Variants in SOX6 observed in about 807,000 individuals in gnomAD.
SOX6 encodes SRY-box transcription factor 6, also known as transcription factor SOX-6.
A neutral mutation model predicts 97.8 loss-of-function variants in SOX6; 11 were observed. The ratio of observed to expected loss-of-function variants is 0.11; its 90% CI spans 0.07 to 0.19. The LOEUF (loss-of-function observed/expected upper bound fraction) is 0.19. Ranked by LOEUF, SOX6 falls within the 10% of genes least tolerant of loss-of-function variation. The pLI, the probability that SOX6 is intolerant of heterozygous loss-of-function variation, is 1.00. For missense variants in SOX6, 810 were observed against 1,039.5 expected (o/e 0.78, Z 3.04); for synonymous variants, 360 against 371.4 (o/e 0.97, Z 0.35).
Position 16,096,033 on chromosome 11 carries a change from T to G in SOX6, c.1064A>C (p.His355Pro), listed in dbSNP as rs769330030. Residue 355 changes from histidine to proline, a missense_variant, in exon 9 of 16, where the codon CAT becomes CCT. His to Pro is a moderately conservative substitution (Grantham distance 77, BLOSUM62 -2). Around this residue, in one of 9 missense-constraint regions of SOX6, gnomAD observed 244 missense variants for 261.0 expected, o/e 0.93. Coordinates refer to ENST00000683767, the MANE Select transcript of SOX6 (RefSeq NM_001367873.1). ...GTGGTTGTAAGAGTGGCCACCACCA[T>G]GTTCAAAGGTGTCCAAATTCCTGCC... Reference protein sequence around the residue: ...RFGRNLDTFEHGGGHSYNHKQ... With the variant: ...RFGRNLDTFEPGGGHSYNHKQ... 16 of 1,611,102 alleles carry G rather than the reference T, an allele frequency of 9.9e-6. No individual in the cohort carries two copies. In the South Asian group the frequency reaches 1.6e-4, roughly 17 times the overall value.
intron 9 of SOX6, among the ~76,000 whole-genome samples, chr11:16,071,368 C>T (rs1449753086): frequency 1.3e-5 from 2 of 152,140 alleles, no homozygotes; most frequent in African/African-American, 2.4e-5. Flanking sequence ...TCTGTCTGAA[C>T]TTAGCCAGCA....
chr11:16,626,807 T>C (rs1224632931), intron 3 of SOX6, among the ~76,000 whole-genome samples: 1 of 152,200 alleles, frequency 6.6e-6, no homozygotes, highest in African/African-American at 2.4e-5. Flanking sequence ...ATTATAACAG[T>C]ATTTTTTAAA....
intron 3 of SOX6, among the ~76,000 whole-genome samples, chr11:16,288,578 T>C (rs139548730): frequency 6.6e-5 from 10 of 152,174 alleles, no homozygotes; most frequent in South Asian, 4.1e-4. Context: ...TACTTTTTAG[T>C]AAGATATTTT....
At chr11:16,059,000 C>T (rs1288829141) in intron 9 of SOX6, among the ~76,000 whole-genome samples, 2 of 152,094 alleles carry the variant, frequency 1.3e-5, no homozygotes, top group African/African-American at 4.8e-5. Context: ...ATGATGCCTT[C>T]AATTCCTAAG....
At chr11:16,152,730 C>T (rs577031862) in intron 6 of SOX6, among the ~76,000 whole-genome samples, 6 of 152,010 alleles carry the variant, frequency 3.9e-5, no homozygotes, top group South Asian at 2.1e-4. Context: ...GCTTTGATAT[C>T]TCAAAGATAT....
intron 2 of SOX6, among the ~76,000 whole-genome samples, chr11:16,333,186 TC>T (rs1396541377): frequency 1.3e-5 from 2 of 152,294 alleles, no homozygotes; most frequent in Non-Finnish European, 2.9e-5. Flanking sequence ...AATCCTGGGT[TC>T]CTCCTCCCAA....
At chr11:16,412,017 A>C (rs912694646) in intron 1 of SOX6, among the ~76,000 whole-genome samples, 1 of 152,360 alleles carries the variant, frequency 6.6e-6, no homozygotes, top group Non-Finnish European at 1.5e-5. Context: ...TCAAATTGCT[A>C]TAAATAAGTG....
At chr11:16,043,030 T>TG (rs1840842510) in intron 12 of SOX6, among the ~76,000 whole-genome samples, 1 of 152,170 alleles carries the variant, frequency 6.6e-6, no homozygotes, top group East Asian at 1.9e-4. Context: ...TACTTTAACA[T>TG]CTACCCCTTC....
intron 1 of SOX6, among the ~76,000 whole-genome samples, chr11:16,416,923 T>C (rs1430323582): frequency 6.6e-6 from 1 of 152,120 alleles, no homozygotes; most frequent in African/African-American, 2.4e-5. Flanking sequence ...CATAGAACAA[T>C]ACCTTCCTTC....
intron 2 of SOX6, among the ~76,000 whole-genome samples, chr11:16,726,306 A>G (rs1848306126): frequency 6.6e-6 from 1 of 152,222 alleles, no homozygotes; most frequent in African/African-American, 2.4e-5. Flanking sequence ...CTACCCAGCT[A>G]CGCAGGAGGC....
chr11:16,289,532 C>T (rs928962864), intron 3 of SOX6, among the ~76,000 whole-genome samples: 3 of 151,964 alleles, frequency 2.0e-5, no homozygotes, highest in Non-Finnish European at 4.4e-5. Context: ...CTGTCTTCAA[C>T]TTAAAGAAAT....
chr11:16,209,608 A>G (rs1213109690), intron 4 of SOX6, among the ~76,000 whole-genome samples: 1 of 152,096 alleles, frequency 6.6e-6, no homozygotes, highest in Non-Finnish European at 1.5e-5. Flanking sequence ...TACACAAATT[A>G]GCTGGGCGTG....
At chr11:16,232,350 T>C (rs931015226) in intron 4 of SOX6, among the ~76,000 whole-genome samples, 1 of 151,942 alleles carries the variant, frequency 6.6e-6, no homozygotes, top group Admixed American at 6.6e-5. Context: ...TATGAAGAGA[T>C]GATAATGGAG....
At chr11:16,014,657 T>C (rs1854828380) in intron 13 of SOX6, among the ~76,000 whole-genome samples, 1 of 152,132 alleles carries the variant, frequency 6.6e-6, no homozygotes, top group African/African-American at 2.4e-5. Flanking sequence ...CTGCTGTTCA[T>C]TGAAATGTAG....
chr11:16,608,448 T>C (rs1423441235), intron 4 of SOX6, among the ~76,000 whole-genome samples: 2 of 149,048 alleles, frequency 1.3e-5, no homozygotes, highest in Non-Finnish European at 3.0e-5. Flanking sequence ...GGATGAACAA[T>C]AAGAAGGATG....
intron 4 of SOX6, among the ~76,000 whole-genome samples, chr11:16,226,316 GTTTTTTTT>G (rs1565032009): frequency 1.2e-4 from 6 of 51,462 alleles, no homozygotes; most frequent in South Asian, 2.5e-3. Flanking sequence ...ACATAATTGT[GTTTTTTTT>G]GTTTTTGTTT....
chr11:16,410,374 T>C (rs1858779710), intron 1 of SOX6, among the ~76,000 whole-genome samples: 2 of 151,942 alleles, frequency 1.3e-5, no homozygotes. Context: ...TGGTGGGAAA[T>C]ATTTATTATT....
intron 4 of SOX6, among the ~76,000 whole-genome samples, chr11:16,514,946 T>C (rs978119094): frequency 6.6e-6 from 1 of 151,980 alleles, no homozygotes; most frequent in Non-Finnish European, 1.5e-5. Context: ...CAGTCTATCA[T>C]TGTTGGACAC....
chr11:16,472,157 T>C (rs546504915), intron 1 of SOX6, among the ~76,000 whole-genome samples: 16 of 152,324 alleles, frequency 1.1e-4, no homozygotes, highest in African/African-American at 3.8e-4. Context: ...AAAAAGATCC[T>C]TTGGGTGATA....
Sources: gnomAD v4.1 joint callset for allele counts (sites outside exome capture counted in the v4.1 genomes callset) on GRCh38, gnomAD v4.1.1 for gene constraint, gnomAD v4.1.1 regional missense constraint, MANE v1.5 for transcripts, NCBI Gene and HGNC (gene_info 2026-07-23, HGNC 2026-07-21) for gene names.